Variants in EPHA2 observed in about 807,000 individuals in gnomAD.
EPHA2 encodes the protein EPH receptor A2.
In EPHA2, 54 loss-of-function variants were observed where a neutral mutation model predicts 104.9. That is an observed-to-expected ratio of 0.51 (90% CI 0.41 to 0.65). The LOEUF is 0.65. Ranked by LOEUF, EPHA2 falls within the 30% of genes least tolerant of loss-of-function variation. The pLI, the probability that EPHA2 is intolerant of heterozygous loss-of-function variation, is 0.00. For synonymous variants in EPHA2, 560 were observed against 559.1 expected, an observed-to-expected ratio of 1.00 and a Z score of -0.02; for missense variants, 1,117 against 1,369.5, an observed-to-expected ratio of 0.82 and a Z score of 2.91.
At position 16,125,583 on chromosome 1, in the gene EPHA2, C is replaced by A. The variant is rs1266060878; in HGVS notation, c.2826-263G>T. Among the ~76,000 whole-genome samples the A allele has an allele frequency of 1.3e-5, 2 of 152,040 alleles. No homozygotes were observed. Among genetic ancestry groups the A allele is most frequent in the East Asian group, 1.9e-4 (1 of 5,196 alleles). Reference sequence around the variant, plus strand: ...AAACGACAGAAGCCTCAACTCTGTACGATGCTTTAAAAAAATAAAAATAAA... The same window carrying A: ...AAACGACAGAAGCCTCAACTCTGTAAGATGCTTTAAAAAAATAAAAATAAA... On this transcript the variant is annotated intron_variant, in intron 16 of 16. Coordinates refer to ENST00000358432, the MANE Select transcript of EPHA2 (RefSeq NM_004431.5). The surrounding 1 kb of genome is among the most constrained non-coding windows in gnomAD (Gnocchi z 4.9).
At position 16,135,120 on chromosome 1, in the gene EPHA2, C is replaced by T. The variant is rs770339373; in HGVS notation, c.1498G>A (p.Asp500Asn). ...FSVTLDDLAP[D>N]TTYLVQVQAL... Reference sequence around the variant, plus strand: ...TGCACCTGGACCAGGTAGGTGGTGTCTGGGGCCAGGTCGTCCAGGGTCACG... The same window carrying T: ...TGCACCTGGACCAGGTAGGTGGTGTTTGGGGCCAGGTCGTCCAGGGTCACG... Residue 500 changes from aspartate (D) to asparagine (N), a missense_variant, in exon 7 of 17, where the codon GAC becomes AAC. Around this residue, in one of 3 missense-constraint regions of EPHA2, gnomAD observed 664 missense variants for 784.8 expected, o/e 0.85. Coordinates refer to ENST00000358432, the MANE Select transcript of EPHA2 (RefSeq NM_004431.5). This position sits in a 1 kb window ranked among gnomAD's most constrained non-coding sequence, Gnocchi z 4.3. The T allele has an allele frequency of 6.2e-7, 1 of 1,613,916 alleles. No individual in the cohort carries two copies. The highest frequency in any genetic ancestry group is 1.3e-5 in the African/African-American group (1 of 74,940).
chr1:16,133,575 G>T lies in EPHA2; in HGVS notation c.1770C>A (p.Asp590Glu). Residue 590 changes from aspartate (D) to glutamate (E), a missense_variant, in exon 10 of 17, where the codon GAC becomes GAA. Transcript: ENST00000358432. ...EQLKPLKTYV[D>E]PHTYEDPNQA... The stretch of plus-strand genomic sequence containing the variant: ...GGTTGGGGTCCTCATATGTGTGGGG[G>T]TCCACGTATGTCTTCAGGGGCTTCA... The T allele has an allele frequency of 6.2e-7, 1 of 1,614,102 alleles. No individual in the cohort carries two copies.
chr1:16,148,914 A>G lies in EPHA2; in HGVS notation c.287T>C (p.Ile96Thr). ...VYRGEAERIFIELKFTVRDCN... is the reference protein window; with the variant it reads ...VYRGEAERIFTELKFTVRDCN... The stretch of plus-strand genomic sequence containing the variant: ...GTCACGTACAGTAAACTTGAGCTCA[A>G]TGAAGATACGCTCAGCCTCTCCTCG... The change falls in exon 3 of 17, where the codon ATT becomes ACT. Residue 96 changes from isoleucine to threonine, a missense_variant. Physicochemically the swap from Ile to Thr is moderately conservative, Grantham distance 89. This residue lies in a region of EPHA2 where 664 missense variants were observed against 784.8 expected (regional missense o/e 0.85). Coordinates refer to ENST00000358432, the MANE Select transcript of EPHA2 (RefSeq NM_004431.5). The surrounding 1 kb of genome is among the most constrained non-coding windows in gnomAD (Gnocchi z 4.9). 1.2e-6 allele frequency: 2 copies of G among 1,614,108 alleles called. No homozygotes were observed. The highest frequency in any genetic ancestry group is 1.7e-6 in the Non-Finnish European group (2 of 1,180,046).
In EPHA2 at chr1:16,131,496, C is replaced by A. The variant is rs1222231780; in HGVS notation, c.2475+225G>T. On this transcript the variant is annotated intron_variant, in intron 14 of 16. Transcript: ENST00000358432. This position sits in a 1 kb window ranked among gnomAD's most constrained non-coding sequence, Gnocchi z 5.2. ...TCGGGAGGCTGAGGCAGGAGAATTG[C>A]TTGAACCTGGGAGGTGGAGGTTGCA... Among the ~76,000 whole-genome samples the A allele has an allele frequency of 1.3e-5, 2 of 152,078 alleles. No homozygotes were observed. Among genetic ancestry groups the A allele is most frequent in the Non-Finnish European group, 2.9e-5 (2 of 68,012 alleles).
At position 16,150,772 on chromosome 1, in the gene EPHA2, G is replaced by C; in HGVS notation, c.153+124C>G. ...GTGTGAGAAGCTGGACCCTGAGCCT[G>C]AGACCTGGCTGAGCTGCTGAATTGA... On this transcript the variant is annotated intron_variant, in intron 2 of 16. Transcript: ENST00000358432. This position sits in a 1 kb window ranked among gnomAD's most constrained non-coding sequence, Gnocchi z 4.8. 1 of 1,122,188 alleles carries C rather than the reference G, an allele frequency of 8.9e-7. No homozygotes were observed. The highest frequency in any genetic ancestry group is 1.3e-6 in the Non-Finnish European group (1 of 750,768). 69.5% of individuals were successfully genotyped at this position (1,122,188 alleles called of 1,614,324 possible). A position where few individuals can be genotyped will look rare whatever the true frequency, so the allele number is the denominator to read the frequency against.
intron 1 of EPHA2, among the ~76,000 whole-genome samples, chr1:16,151,217 G>A (rs1193364780): frequency 6.6e-6 from 1 of 152,206 alleles, no homozygotes; most frequent in African/African-American, 2.4e-5. Context: ...CCCAGGCCAG[G>A]ATTCCAGCCA....
intron 3 of EPHA2, among the ~76,000 whole-genome samples, chr1:16,144,693 C>T (rs1327770289): frequency 6.6e-6 from 1 of 152,236 alleles, no homozygotes; most frequent in Non-Finnish European, 1.5e-5. Context: ...AGGTCCAGCC[C>T]ACTCATTTTA....
In EPHA2 at chr1:16,131,904, C is replaced by T; in HGVS notation, c.2326-34G>A. The T allele has an allele frequency of 6.2e-7, 1 of 1,610,082 alleles. No individual in the cohort carries two copies. Among genetic ancestry groups the T allele is most frequent in the Non-Finnish European group, 8.5e-7 (1 of 1,178,106 alleles). ...AACCCAGGCCCAGTCACCACTGTGC[C>T]CTCTGGCTGGCCCCAGGACCATTGC... On this transcript the variant is annotated intron_variant, in intron 13 of 16. Transcript: ENST00000358432. The surrounding 1 kb of genome is among the most constrained non-coding windows in gnomAD (Gnocchi z 5.2).
chr1:16,154,298 C>T (rs2025105138), intron 1 of EPHA2, among the ~76,000 whole-genome samples: 1 of 152,134 alleles, frequency 6.6e-6, no homozygotes, highest in African/African-American at 2.4e-5. Context: ...GCTCCTGCAA[C>T]CAGAAGTCCC....
chr1:16,154,473 GC>G (rs1382975982), intron 1 of EPHA2, among the ~76,000 whole-genome samples: 1 of 152,108 alleles, frequency 6.6e-6, no homozygotes, highest in Non-Finnish European at 1.5e-5. Context: ...AAGGAAACAG[GC>G]CGGGGGTGGT....
rs572587648 is a variant in EPHA2, at chr1:16,135,902, G to A, written c.1313-132C>T. 7.8e-4 allele frequency: 481 copies of A among 615,996 alleles called. 2 individuals are homozygous for A. The East Asian group carries it at 9.3e-3, about 12-fold the overall frequency. The allele number at this position is 615,996 out of a possible 1,614,324, so 38.2% of individuals were successfully genotyped here. A position where few individuals can be genotyped will look rare whatever the true frequency, so the allele number is the denominator to read the frequency against. ...TTTCATTTTTTTGAGACAGGATCTC[G>A]CTCTCTCACCCAGGCTCGAGTGCAG... On this transcript the variant is annotated intron_variant, in intron 5 of 16. Coordinates refer to ENST00000358432, the MANE Select transcript of EPHA2 (RefSeq NM_004431.5). The surrounding 1 kb of genome is among the most constrained non-coding windows in gnomAD (Gnocchi z 4.3).
chr1:16,128,059 G>A lies in EPHA2; in HGVS notation c.2825+1375C>T, dbSNP rs2024502449. 6.6e-6 allele frequency among the ~76,000 whole-genome samples: 1 copy of A among 152,190 alleles called. No individual in the cohort carries two copies. The highest frequency in any genetic ancestry group is 2.1e-4 in the South Asian group (1 of 4,826). ...CCAGGAAAAAGGAGAAAAGGAGGGG[G>A]CATTTGCACAGTGCTAGGGGAGGAA... On this transcript the variant is annotated intron_variant, in intron 16 of 16. Transcript: ENST00000358432. The surrounding 1 kb of genome is among the most constrained non-coding windows in gnomAD (Gnocchi z 4.7).
At chr1:16,138,531 G>A (rs1220237001) in intron 3 of EPHA2, 101 bp from the exon 4 acceptor site, 3 of 1,551,436 alleles carry the variant, frequency 1.9e-6, no homozygotes, top group South Asian at 2.3e-5. Flanking sequence ...TGCCCTGCAA[G>A]CAGGTCAGTA....
At position 16,149,936 on chromosome 1, in the gene EPHA2, G is replaced by A. The variant is rs183708327; in HGVS notation, c.154-889C>T. 1.1e-4 allele frequency among the ~76,000 whole-genome samples: 17 copies of A among 152,336 alleles called. No homozygotes were observed. The East Asian group carries it at 2.9e-3, about 26-fold the overall frequency. ...GAATGAATGAAAGCACAGGGGAGGA[G>A]GACAGAGGCCCGGGCTATACTGTGT... On this transcript the variant is annotated intron_variant, in intron 2 of 16. Transcript: ENST00000358432.
chr1:16,134,668 G>A lies in EPHA2; in HGVS notation c.1583-101C>T. ...CCTGGGCCCCTACTGTGTGCTGGGT[G>A]CTTGCACTTGGGAAGGCTCCAGAGG... On this transcript the variant is annotated intron_variant, in intron 7 of 16. Coordinates refer to ENST00000358432, the MANE Select transcript of EPHA2 (RefSeq NM_004431.5). The surrounding 1 kb of genome is among the most constrained non-coding windows in gnomAD (Gnocchi z 4.5). The A allele has an allele frequency of 2.3e-6, 3 of 1,287,090 alleles. No individual in the cohort carries two copies. In the South Asian group the frequency reaches 3.8e-5, roughly 16 times the overall value. 79.7% of individuals were successfully genotyped at this position (1,287,090 alleles called of 1,614,324 possible). A position where few individuals can be genotyped will look rare whatever the true frequency, so the allele number is the denominator to read the frequency against.
chr1:16,133,754 T>C (rs1363287801), intron 9 of EPHA2, 106 bp downstream of exon 9: 18 of 1,486,600 alleles, frequency 1.2e-5, no homozygotes, highest in Non-Finnish European at 1.6e-5. Context: ...CGGAAGCCTG[T>C]GGCCCCACCC....
At chr1:16,133,788 TGCCCCCACC>T in intron 9 of EPHA2, 63 bp downstream of exon 9, 2 of 1,497,216 alleles carry the variant, frequency 1.3e-6, no homozygotes, top group Non-Finnish European at 1.8e-6. Flanking sequence ...ACACCCTGGC[TGCCCCCACC>T]TCCCCCACAG....
At chr1:16,155,789 CG>C in intron 1 of EPHA2, 58 bp downstream of exon 1, 2 of 1,279,580 alleles carry the variant, frequency 1.6e-6, no homozygotes, top group Non-Finnish European at 1.0e-6. Context: ...CAAGGAGCGC[CG>C]GGCTCTAGGG....
chr1:16,138,060 A>G lies in EPHA2; in HGVS notation c.1105T>C (p.Cys369Arg), dbSNP rs2024750800. The change falls in exon 5 of 17, where the codon TGC becomes CGC. Residue 369 changes from cysteine to arginine, a missense_variant. Transcript: ENST00000358432. ...CCGCATTCCCCAGACTCGGGCCAGC[A>G]CTGTTCGCAGGTGACGCTGTAGACA... ...DIVYSVTCEQCWPESGECGPC... is the reference protein window; with the variant it reads ...DIVYSVTCEQRWPESGECGPC... 2 of 1,613,008 alleles carry G rather than the reference A, an allele frequency of 1.2e-6. No individual in the cohort carries two copies. Among genetic ancestry groups the G allele is most frequent in the Non-Finnish European group, 1.7e-6 (2 of 1,179,964 alleles).
Sources: allele counts gnomAD v4.1 joint callset (sites outside exome capture counted in the v4.1 genomes callset), GRCh38; gene constraint gnomAD v4.1.1; regional missense constraint gnomAD v4.1.1; non-coding constraint Gnocchi (gnomAD v3.1); transcripts MANE v1.5; gene names NCBI Gene and HGNC (gene_info 2026-07-23, HGNC 2026-07-21).